ASIC2: variants seen among roughly 807,000 people sequenced by gnomAD.
ASIC2 encodes the protein acid sensing ion channel subunit 2, also known as acid-sensing ion channel 2.
Under a neutral mutation model 57.3 loss-of-function variants are expected in ASIC2, and 25 were observed. The observed-to-expected ratio is 0.44, with a 90% CI of 0.32 to 0.61. The LOEUF (loss-of-function observed/expected upper bound fraction) is 0.61. Ranked by LOEUF, ASIC2 falls within the 20% of genes least tolerant of loss-of-function variation. The pLI, the probability that ASIC2 is intolerant of heterozygous loss-of-function variation, is 0.06. For missense variants in ASIC2, 641 were observed against 738.1 expected (o/e 0.87, Z 1.52); for synonymous variants, 319 against 307.5 (o/e 1.04, Z -0.39).
chr17:33,084,477 A>G (rs1027019663), intron 3 of ASIC2, among the ~76,000 whole-genome samples: 1 of 152,246 alleles, frequency 6.6e-6, no homozygotes, highest in Non-Finnish European at 1.5e-5. Flanking sequence ...CAGAAAGAGC[A>G]TGGGTGCGGG....
intron 1 of ASIC2, among the ~76,000 whole-genome samples, chr17:33,681,851 G>A (rs1215835642): frequency 1.3e-5 from 2 of 152,128 alleles, no homozygotes; most frequent in Non-Finnish European, 2.9e-5. Context: ...AGATCCTTGA[G>A]GGCAGGAGAC....
intron 6 of ASIC2, among the ~76,000 whole-genome samples, chr17:33,022,476 C>T (rs556638801): frequency 2.0e-5 from 3 of 152,274 alleles, no homozygotes; most frequent in African/African-American, 7.2e-5. Context: ...CCTCTGAAAG[C>T]TCTTCAGGGG....
intron 1 of ASIC2, among the ~76,000 whole-genome samples, chr17:33,253,270 C>A (rs1261043880): frequency 6.6e-6 from 1 of 152,174 alleles, no homozygotes; most frequent in Non-Finnish European, 1.5e-5. Flanking sequence ...CCAGTATGAA[C>A]AGCTTCAGGA....
chr17:33,949,197 G>A lies in ASIC2; in HGVS notation c.555+206781C>T, dbSNP rs75936015. On this transcript the variant is annotated intron_variant, in intron 1 of 9. Transcript: ENST00000359872. ...GACTTGTGGGTGAGTTTTCTTCAGCGTAATAGGAATCCTTTGTGGACACAA... is the reference window on the plus strand; with the variant it reads ...GACTTGTGGGTGAGTTTTCTTCAGCATAATAGGAATCCTTTGTGGACACAA... 1.7e-4 allele frequency among the ~76,000 whole-genome samples: 26 copies of A among 152,230 alleles called. No homozygotes were observed. In the East Asian group the frequency reaches 3.3e-3, roughly 19 times the overall value.
intron 1 of ASIC2, among the ~76,000 whole-genome samples, chr17:34,101,324 G>T (rs1910856880): frequency 6.6e-6 from 1 of 152,280 alleles, no homozygotes; most frequent in African/African-American, 2.4e-5. Flanking sequence ...ACAGTACTCA[G>T]ACCTTTAGAG....
At chr17:33,575,658 G>A (rs1916595282) in intron 1 of ASIC2, among the ~76,000 whole-genome samples, 1 of 152,134 alleles carries the variant, frequency 6.6e-6, no homozygotes, top group Non-Finnish European at 1.5e-5. Flanking sequence ...TTAACCCAGG[G>A]GCTCCCAGAA....
At position 33,325,116 on chromosome 17, in the gene ASIC2, A is replaced by G. The variant is rs147153553; in HGVS notation, c.556-213049T>C. Among the ~76,000 whole-genome samples the G allele has an allele frequency of 7.6e-4, 116 of 152,322 alleles. No individual in the cohort carries two copies. In the East Asian group the frequency reaches 0.016, roughly 21 times the overall value. ...TTAGGGTCTGAGCACTGGTGATGCCACAAGAAACAAACAAACAAACAAACA... is the reference window on the plus strand; with the variant it reads ...TTAGGGTCTGAGCACTGGTGATGCCGCAAGAAACAAACAAACAAACAAACA... On this transcript the variant is annotated intron_variant, in intron 1 of 9. Transcript: ENST00000359872.
chr17:33,331,426 T>C (rs1007657754), intron 1 of ASIC2, among the ~76,000 whole-genome samples: 2 of 152,246 alleles, frequency 1.3e-5, no homozygotes, highest in African/African-American at 4.8e-5. Context: ...CTTAGTCTGT[T>C]TGCTTTTGCT....
chr17:33,180,452 C>T (rs575908288), intron 1 of ASIC2, among the ~76,000 whole-genome samples: 1 of 152,176 alleles, frequency 6.6e-6, no homozygotes, highest in Non-Finnish European at 1.5e-5. Flanking sequence ...CTGTTCCTAG[C>T]ATGCTTTGAA....
rs112342811 is a variant in ASIC2 at position 33,179,356 on chromosome 17, A to G, written c.709-67289T>C. ...AATAAATAAATAAAAAGAGATCCAG[A>G]AAAAGCATGCAGACACGTCTGGCTT... is the stretch of plus-strand genomic sequence containing the variant. On this transcript the variant is annotated intron_variant, in intron 1 of 9. Transcript: ENST00000225823. Among the ~76,000 whole-genome samples, 1,382 of 152,326 alleles carry G rather than the reference A, an allele frequency of 9.1e-3. 9 individuals carry two copies. The highest frequency in any genetic ancestry group is 0.014 in the African/African-American group (576 of 41,568).
intron 1 of ASIC2, among the ~76,000 whole-genome samples, chr17:33,970,003 A>G (rs1353415480): frequency 1.3e-5 from 2 of 152,112 alleles, no homozygotes; most frequent in African/African-American, 2.4e-5. Context: ...TACCATTAGG[A>G]TCTAGCAATG....
At chr17:34,059,823 C>T (rs1908904752) in intron 1 of ASIC2, among the ~76,000 whole-genome samples, 1 of 152,178 alleles carries the variant, frequency 6.6e-6, no homozygotes, top group African/African-American at 2.4e-5. Context: ...GCATCCCCCA[C>T]AGCAGCTGCA....
chr17:33,282,596 TC>T (rs1905002258), intron 1 of ASIC2, among the ~76,000 whole-genome samples: 1 of 152,004 alleles, frequency 6.6e-6, no homozygotes, highest in Non-Finnish European at 1.5e-5. Context: ...TGCCTCAGCC[TC>T]CCTAGTAGCT....
At chr17:34,060,881 G>A (rs1908945727) in intron 1 of ASIC2, among the ~76,000 whole-genome samples, 1 of 152,104 alleles carries the variant, frequency 6.6e-6, no homozygotes, top group African/African-American at 2.4e-5. Flanking sequence ...AATAATCAGT[G>A]TTCCTGAGGA....
intron 7 of ASIC2, among the ~76,000 whole-genome samples, chr17:33,020,101 C>T (rs926050268): frequency 6.6e-6 from 1 of 152,066 alleles, no homozygotes; most frequent in African/African-American, 2.4e-5. Context: ...CCAGCTGGGA[C>T]CGAGCTATGG....
chr17:33,970,400 A>G (rs9902778), intron 1 of ASIC2, among the ~76,000 whole-genome samples: 72,574 of 151,994 alleles, frequency 0.48, 17,695 homozygotes, highest in Admixed American at 0.55. Context: ...GGGATGCTGC[A>G]CTTGGAACAC....
intron 1 of ASIC2, among the ~76,000 whole-genome samples, chr17:33,878,539 A>T (rs1210844431): frequency 6.6e-6 from 1 of 152,212 alleles, no homozygotes. Context: ...AAATGAAGCA[A>T]GAAGAGAAGT....
chr17:33,562,735 T>C (rs1916113596), intron 1 of ASIC2, among the ~76,000 whole-genome samples: 1 of 152,114 alleles, frequency 6.6e-6, no homozygotes, highest in Non-Finnish European at 1.5e-5. Context: ...AGAGGGTTGA[T>C]ATGTGAGGCA....
At chr17:33,411,095 G>A (rs1910642841) in intron 1 of ASIC2, among the ~76,000 whole-genome samples, 1 of 152,198 alleles carries the variant, frequency 6.6e-6, no homozygotes, top group Non-Finnish European at 1.5e-5. Context: ...ATGAGTGAAT[G>A]AATGAATGGC....
Sources: gnomAD v4.1 joint callset for allele counts (sites outside exome capture counted in the v4.1 genomes callset) on GRCh38, gnomAD v4.1.1 for gene constraint, MANE v1.5 for transcripts, NCBI Gene and HGNC (gene_info 2026-07-23, HGNC 2026-07-21) for gene names.